LRCH1: variants seen among roughly 807,000 people sequenced by gnomAD.
LRCH1 encodes leucine-rich repeat and calponin homology domain-containing protein 1.
LRCH1 carries 23 observed loss-of-function variants against 94.9 expected under a neutral mutation model. The observed-to-expected ratio is 0.24, with a 90% confidence interval of 0.17 to 0.34. The LOEUF (loss-of-function observed/expected upper bound fraction) is 0.34. LRCH1 is among the 10% of genes least tolerant of loss of function. The pLI is 1.00. For synonymous variants in LRCH1, 364 were observed against 354.9 expected (o/e 1.03, Z -0.29); for missense variants, 790 against 945.9 (o/e 0.84, Z 2.16).
At chr13:46,556,553 A>G (rs556755753) in intron 1 of LRCH1, among the ~76,000 whole-genome samples, 4 of 152,284 alleles carry the variant, frequency 2.6e-5, no homozygotes, top group African/African-American at 9.6e-5. Context: ...AAGAGCCACT[A>G]TCAGCACTGG....
At chr13:46,727,318 A>G (rs546232167) in intron 17 of LRCH1, among the ~76,000 whole-genome samples, 1 of 152,352 alleles carries the variant, frequency 6.6e-6, no homozygotes, top group East Asian at 1.9e-4. Context: ...AGAGAACAAT[A>G]GAAATCATCT....
chr13:46,602,927 C>T (rs1225691903), intron 1 of LRCH1, among the ~76,000 whole-genome samples: 2 of 151,856 alleles, frequency 1.3e-5, no homozygotes, highest in African/African-American at 4.8e-5. Flanking sequence ...CCAGCCTGGG[C>T]AACAGAGCAA....
intron 1 of LRCH1, among the ~76,000 whole-genome samples, chr13:46,641,694 A>G (rs544303970): frequency 3.9e-5 from 6 of 152,150 alleles, no homozygotes; most frequent in African/African-American, 9.7e-5. Context: ...CTGATAACTC[A>G]GGATGTTGTT....
intron 1 of LRCH1, among the ~76,000 whole-genome samples, chr13:46,593,288 T>C (rs1485103184): frequency 6.8e-6 from 1 of 147,052 alleles, no homozygotes; most frequent in Non-Finnish European, 1.5e-5. Context: ...CTTTCCTTTT[T>C]TTTTTTTTTT....
At chr13:46,557,988 G>A (rs2050085007) in intron 1 of LRCH1, among the ~76,000 whole-genome samples, 1 of 152,212 alleles carries the variant, frequency 6.6e-6, no homozygotes, top group African/African-American at 2.4e-5. Context: ...TGAAAGCCAT[G>A]ATCGCGCCAC....
chr13:46,594,886 G>A (rs544791851), intron 1 of LRCH1, among the ~76,000 whole-genome samples: 72 of 152,148 alleles, frequency 4.7e-4, no homozygotes, highest in African/African-American at 1.6e-3. Context: ...TAACAAGAGC[G>A]CAGTTTAGAA....
chr13:46,660,087 C>T (rs1332431412), intron 2 of LRCH1, among the ~76,000 whole-genome samples: 1 of 132,774 alleles, frequency 7.5e-6, no homozygotes, highest in Non-Finnish European at 1.5e-5. Context: ...TCTCTGCTCA[C>T]TGCAAGCTCC....
intron 2 of LRCH1, among the ~76,000 whole-genome samples, 176 bp from the exon 3 acceptor site, chr13:46,668,854 T>C (rs908810157): frequency 2.0e-5 from 3 of 152,186 alleles, no homozygotes; most frequent in Admixed American, 6.5e-5. Context: ...AAAACATATT[T>C]TGTTTTCTTA....
At chr13:46,692,056 G>A (rs9562678) in intron 7 of LRCH1, among the ~76,000 whole-genome samples, 1 of 152,246 alleles carries the variant, frequency 6.6e-6, no homozygotes, top group East Asian at 1.9e-4. Context: ...GACCCTTCTT[G>A]AGGTATCCAC....
chr13:46,615,789 G>C (rs2050801079), intron 1 of LRCH1, among the ~76,000 whole-genome samples: 1 of 152,184 alleles, frequency 6.6e-6, no homozygotes, highest in Non-Finnish European at 1.5e-5. Context: ...GCCCAGCTAT[G>C]ATAGTCTGTG....
At chr13:46,553,860 G>C (rs974114231) in intron 1 of LRCH1, among the ~76,000 whole-genome samples, 157 bp downstream of exon 1, 4 of 152,232 alleles carry the variant, frequency 2.6e-5, no homozygotes, top group African/African-American at 9.6e-5. Flanking sequence ...CGTGGGCGCG[G>C]AAGAAGCGGG....
At chr13:46,628,921 C>A (rs143452319) in intron 1 of LRCH1, among the ~76,000 whole-genome samples, 274 of 152,286 alleles carry the variant, frequency 1.8e-3, no homozygotes, top group African/African-American at 6.2e-3. Context: ...GGACAGAAAA[C>A]ATCCAGCTCT....
Position 46,676,152 on chromosome 13 carries a change from A to T in LRCH1, c.580-5589A>T, listed in dbSNP as rs149661864. On this transcript the variant is annotated intron_variant, in intron 3 of 19. Transcript: ENST00000389797. ...GGCATGCACCTGTAATCTCAGCTACACAGCAGGCTGAGGGAGGAGAATCGC... is the reference window on the plus strand; with the variant it reads ...GGCATGCACCTGTAATCTCAGCTACTCAGCAGGCTGAGGGAGGAGAATCGC... Among the ~76,000 whole-genome samples, 29 of 152,148 alleles carry T rather than the reference A, an allele frequency of 1.9e-4. No homozygotes were observed. The East Asian group carries it at 5.1e-3, about 27-fold the overall frequency.
intron 2 of LRCH1, among the ~76,000 whole-genome samples, chr13:46,659,163 GATTTATTTATTTATTT>G (rs67901139): frequency 0.73 from 109,393 of 148,974 alleles, 40,738 homozygotes; most frequent in East Asian, 0.91. Flanking sequence ...AAATACTTCA[GATTTATTTATTTATTT>G]ATTTATTTAT....
chr13:46,559,509 G>T (rs560407853), intron 1 of LRCH1, among the ~76,000 whole-genome samples: 1 of 152,186 alleles, frequency 6.6e-6, no homozygotes, highest in Non-Finnish European at 1.5e-5. Flanking sequence ...ATCTGTAGTG[G>T]TTCTGAATCA....
intron 4 of LRCH1, 57 bp downstream of exon 4, chr13:46,681,903 TG>T (rs1416829962): frequency 8.8e-6 from 10 of 1,142,298 alleles, no homozygotes; most frequent in Non-Finnish European, 1.3e-5. Flanking sequence ...TTTTATGTTT[TG>T]GGGGGTTTAC....
chr13:46,574,670 C>G (rs1332867215), intron 1 of LRCH1, among the ~76,000 whole-genome samples: 1 of 152,174 alleles, frequency 6.6e-6, no homozygotes, highest in African/African-American at 2.4e-5. Flanking sequence ...TTCAAACATA[C>G]AAACTTATAC....
chr13:46,587,477 T>A (rs2050447886), intron 1 of LRCH1, among the ~76,000 whole-genome samples: 1 of 152,216 alleles, frequency 6.6e-6, no homozygotes, highest in Non-Finnish European at 1.5e-5. Flanking sequence ...GAAGAAGGTA[T>A]CAGAAAAAAC....
intron 1 of LRCH1, among the ~76,000 whole-genome samples, chr13:46,643,044 A>G (rs2051178063): frequency 1.3e-5 from 2 of 152,362 alleles, no homozygotes; most frequent in South Asian, 2.1e-4. Flanking sequence ...AATAAATAAC[A>G]AAGACATACA....
Sources: gnomAD v4.1 joint callset for allele counts (sites outside exome capture counted in the v4.1 genomes callset) on GRCh38, gnomAD v4.1.1 for gene constraint, MANE v1.5 for transcripts, NCBI Gene and HGNC (gene_info 2026-07-23, HGNC 2026-07-21) for gene names.